The following WWOX variants were observed in gnomAD, a reference collection of about 807,000 sequenced individuals.
The protein encoded by WWOX is WW domain containing oxidoreductase.
WWOX carries 69 observed loss-of-function variants against 46.2 expected under a neutral mutation model. That is an observed-to-expected ratio of 1.49 (90% CI 1.23 to 1.82). The LOEUF is 1.82. WWOX is among the 40% of genes most tolerant of loss of function. WWOX has a pLI of 0.00. For synonymous variants in WWOX, 359 were observed against 202.6 expected (o/e 1.77, Z -6.56); for missense variants, 919 against 542.6 (o/e 1.69, Z -6.89).
rs1400284496 is a variant in WWOX, at chr16:78,349,981, C to CA, written c.517-36878dup. 1.6e-5 allele frequency among the ~76,000 whole-genome samples: 2 copies of CA among 121,336 alleles called. 1 individual carries two copies. Among genetic ancestry groups the CA allele is most frequent in the African/African-American group, 5.6e-5 (2 of 35,862 alleles). The allele number at this position is 121,336 out of a possible 152,430, so 79.6% of individuals were successfully genotyped here. ...AATGCCCATACCATACATATGCCTGCATTTGTACACTCTTAAGCCAAATAA... is the reference window on the plus strand; with the variant it reads ...AATGCCCATACCATACATATGCCTGCAATTTGTACACTCTTAAGCCAAATAA... On this transcript the variant is annotated intron_variant, in intron 5 of 8. Coordinates refer to ENST00000566780, the MANE Select transcript of WWOX (RefSeq NM_016373.4).
At chr16:78,561,799 A>G (rs1453819215) in intron 8 of WWOX, among the ~76,000 whole-genome samples, 1 of 152,188 alleles carries the variant, frequency 6.6e-6, no homozygotes, top group African/African-American at 2.4e-5. Flanking sequence ...CCTGCAGAGA[A>G]GAACGCAGGG....
At chr16:78,324,873 C>T (rs1010785140) in intron 5 of WWOX, among the ~76,000 whole-genome samples, 1 of 152,092 alleles carries the variant, frequency 6.6e-6, no homozygotes, top group Non-Finnish European at 1.5e-5. Flanking sequence ...TCTAAATGTA[C>T]TAAAAATCAT....
At chr16:78,392,639 G>T (rs2082200349) in intron 6 of WWOX, among the ~76,000 whole-genome samples, 4 of 152,084 alleles carry the variant, frequency 2.6e-5, no homozygotes, top group African/African-American at 7.2e-5. Context: ...TTGCATCTCT[G>T]TGGTGTCTTT....
chr16:79,195,405 G>C (rs1559406), intron 8 of WWOX, among the ~76,000 whole-genome samples: 22,029 of 152,134 alleles, frequency 0.14, 1,718 homozygotes, highest in African/African-American at 0.18. Context: ...CATTGATGTG[G>C]GCTCCCTCCT....
chr16:78,458,803 C>G (rs886559371), intron 8 of WWOX, among the ~76,000 whole-genome samples: 14 of 151,902 alleles, frequency 9.2e-5, no homozygotes, highest in African/African-American at 3.4e-4. Context: ...CACTTTTTAT[C>G]TGTGTGTGTT....
rs547270986 is a variant in WWOX at position 78,347,661 on chromosome 16, A to C, written c.517-39199A>C. 1.1e-4 allele frequency among the ~76,000 whole-genome samples: 14 copies of C among 122,154 alleles called. 2 individuals are homozygous for C. Among genetic ancestry groups the C allele is most frequent in the African/African-American group, 3.9e-4 (14 of 36,192 alleles). The allele number at this position is 122,154 out of a possible 152,430, so 80.1% of individuals were successfully genotyped here. A position where few individuals can be genotyped will look rare whatever the true frequency, so the allele number is the denominator to read the frequency against. ...TTCCTTGAAAATATGCTTCACTTTTATCTTTTTAAGAAATTAATTGCATTA... is the reference window on the plus strand; with the variant it reads ...TTCCTTGAAAATATGCTTCACTTTTCTCTTTTTAAGAAATTAATTGCATTA... On this transcript the variant is annotated intron_variant, in intron 5 of 8. Transcript: ENST00000566780.
chr16:78,984,481 T>C (rs1050849784), intron 8 of WWOX, among the ~76,000 whole-genome samples: 10 of 152,196 alleles, frequency 6.6e-5, no homozygotes, highest in African/African-American at 2.4e-4. Flanking sequence ...AATGGATGGG[T>C]GTGGCCGTGT....
intron 8 of WWOX, among the ~76,000 whole-genome samples, chr16:78,919,107 T>C (rs771912557): frequency 4.6e-5 from 7 of 152,136 alleles, no homozygotes; most frequent in Non-Finnish European, 8.8e-5. Context: ...AATAACTCAC[T>C]TGAGATCCTA....
At chr16:79,066,880 AC>A (rs1383118784) in intron 8 of WWOX, among the ~76,000 whole-genome samples, 1 of 152,168 alleles carries the variant, frequency 6.6e-6, no homozygotes, top group East Asian at 1.9e-4. Flanking sequence ...ATTCCAGACT[AC>A]AGTAGCAGCT....
chr16:79,168,266 T>A (rs901832629), intron 8 of WWOX, among the ~76,000 whole-genome samples: 1 of 152,206 alleles, frequency 6.6e-6, no homozygotes, highest in Admixed American at 6.5e-5. Flanking sequence ...TGCTGGGTCA[T>A]ATGATCAGTC....
At chr16:79,039,220 G>A (rs568860655) in intron 8 of WWOX, among the ~76,000 whole-genome samples, 15 of 152,196 alleles carry the variant, frequency 9.9e-5, no homozygotes, top group Middle Eastern at 3.4e-3. Flanking sequence ...TTTGTTCAGG[G>A]GTTGCAGAAT....
intron 8 of WWOX, among the ~76,000 whole-genome samples, chr16:78,751,221 A>G (rs796327242): frequency 4.6e-5 from 7 of 152,024 alleles, no homozygotes; most frequent in South Asian, 4.1e-4. Context: ...TTCGAACTAC[A>G]TATCAGAAAT....
chr16:78,305,634 T>C (rs568750420), intron 5 of WWOX, among the ~76,000 whole-genome samples: 1 of 146,226 alleles, frequency 6.8e-6, no homozygotes, highest in Non-Finnish European at 1.5e-5. Context: ...AGGAGCACTT[T>C]AAAAAAAAAA....
intron 5 of WWOX, among the ~76,000 whole-genome samples, chr16:78,340,586 G>A: frequency 8.3e-6 from 1 of 120,822 alleles, no homozygotes; most frequent in Non-Finnish European, 2.0e-5. Context: ...AGTTACTGCT[G>A]CCAACTCTTA....
chr16:78,823,599 G>A (rs910435182), intron 8 of WWOX, among the ~76,000 whole-genome samples: 38 of 152,162 alleles, frequency 2.5e-4, no homozygotes, highest in Middle Eastern at 3.4e-3. Context: ...AAGTTTAATG[G>A]ACATTGTTTG....
chr16:78,657,732 A>G (rs2047113790), intron 8 of WWOX, among the ~76,000 whole-genome samples: 1 of 152,132 alleles, frequency 6.6e-6, no homozygotes, highest in Non-Finnish European at 1.5e-5. Flanking sequence ...GGTGGCGCAA[A>G]TAACTGCTTG....
At chr16:78,527,234 C>T (rs1026064819) in intron 8 of WWOX, among the ~76,000 whole-genome samples, 1 of 151,786 alleles carries the variant, frequency 6.6e-6, no homozygotes, top group Non-Finnish European at 1.5e-5. Flanking sequence ...TGAATCAATT[C>T]TTCTAAGCTG....
At chr16:78,839,727 C>G (rs2052087787) in intron 8 of WWOX, among the ~76,000 whole-genome samples, 1 of 152,054 alleles carries the variant, frequency 6.6e-6, no homozygotes, top group Non-Finnish European at 1.5e-5. Flanking sequence ...TGGTGATGTT[C>G]CTACCAAGTC....
intron 8 of WWOX, among the ~76,000 whole-genome samples, chr16:78,837,659 T>C (rs942013667): frequency 1.3e-5 from 2 of 152,202 alleles, no homozygotes; most frequent in African/African-American, 4.8e-5. Flanking sequence ...AAATATTTTG[T>C]ATCTTATACC....
Sources: allele counts gnomAD v4.1 joint callset (sites outside exome capture counted in the v4.1 genomes callset), GRCh38; gene constraint gnomAD v4.1.1; transcripts MANE v1.5; gene names NCBI Gene and HGNC (gene_info 2026-07-23, HGNC 2026-07-21).